BTBD9: variants seen among roughly 807,000 people sequenced by gnomAD.
BTBD9 encodes BTB domain containing 9, also known as BTB/POZ domain-containing protein 9.
In BTBD9, 49 loss-of-function variants were observed where a neutral mutation model predicts 64.3. That is an observed-to-expected ratio of 0.76 (90% CI 0.61 to 0.97). BTBD9 has a LOEUF of 0.97. Among genes scored for constraint, BTBD9 ranks in the 50% least tolerant of loss-of-function variants. BTBD9 has a pLI of 0.00. For synonymous variants in BTBD9, 260 were observed against 274.7 expected (o/e 0.95, Z 0.53); for missense variants, 598 against 762.1 (o/e 0.78, Z 2.53).
intron 9 of BTBD9, among the ~76,000 whole-genome samples, chr6:38,195,139 A>C (rs565014387): frequency 2.2e-4 from 34 of 152,300 alleles, no homozygotes; most frequent in African/African-American, 7.9e-4. Context: ...GAACTTTTTC[A>C]GAATAACTTG....
At chr6:38,582,100 T>G (rs1776313214) in intron 4 of BTBD9, among the ~76,000 whole-genome samples, 1 of 151,920 alleles carries the variant, frequency 6.6e-6, no homozygotes, top group African/African-American at 2.4e-5. Context: ...GTAAAGAGAG[T>G]GGCACCAGAA....
intron 9 of BTBD9, among the ~76,000 whole-genome samples, chr6:38,210,387 T>C (rs1033260998): frequency 1.3e-5 from 2 of 152,184 alleles, no homozygotes; most frequent in African/African-American, 2.4e-5. Flanking sequence ...AAACAGACTC[T>C]GGGGCCAAGT....
chr6:38,442,661 CTTTTTTTTTTTTTTT>C (rs11313452), intron 6 of BTBD9, among the ~76,000 whole-genome samples: 2 of 57,538 alleles, frequency 3.5e-5, no homozygotes, highest in African/African-American at 1.4e-4. Context: ...CATTTGTACT[CTTTTTTTTTTTTTTT>C]TTTTTTTTTT....
chr6:38,474,229 T>C (rs1770779141), intron 6 of BTBD9, among the ~76,000 whole-genome samples: 1 of 152,148 alleles, frequency 6.6e-6, no homozygotes, highest in Admixed American at 6.5e-5. Flanking sequence ...GCAGTAGTTC[T>C]GGAAAGAGCT....
intron 7 of BTBD9, among the ~76,000 whole-genome samples, chr6:38,291,537 T>C (rs184831101): frequency 1.3e-5 from 2 of 152,328 alleles, no homozygotes; most frequent in East Asian, 3.9e-4. Flanking sequence ...CTATGTTGAA[T>C]AGGAGTGGTG....
rs542400586 is a variant in BTBD9 at position 38,256,030 on chromosome 6, G to T, written c.1562+379C>A. ...ACATGTATACCTATGTATCAAACCT[G>T]CATATTGTGCACATGTACCCTAGAA... On this transcript the variant is annotated intron_variant, in intron 9 of 10. Transcript: ENST00000481247. 1.0e-3 allele frequency among the ~76,000 whole-genome samples: 158 copies of T among 151,128 alleles called. 1 individual carries two copies. The highest frequency in any genetic ancestry group is 2.5e-3 in the Admixed American group (38 of 15,102).
At chr6:38,277,844 T>C (rs995871943) in intron 8 of BTBD9, among the ~76,000 whole-genome samples, 1 of 152,096 alleles carries the variant, frequency 6.6e-6, no homozygotes, top group Non-Finnish European at 1.5e-5. Flanking sequence ...ACAGAACACA[T>C]GAAATATGGA....
At chr6:38,487,767 C>T (rs1245313120) in intron 6 of BTBD9, among the ~76,000 whole-genome samples, 1 of 152,168 alleles carries the variant, frequency 6.6e-6, no homozygotes, top group East Asian at 1.9e-4. Flanking sequence ...CAATTTCTTG[C>T]TCCTTTAAGG....
intron 6 of BTBD9, among the ~76,000 whole-genome samples, chr6:38,362,919 C>T (rs1562079380): frequency 6.6e-6 from 1 of 152,192 alleles, no homozygotes; most frequent in East Asian, 1.9e-4. Flanking sequence ...GGCTTTCACT[C>T]ATGGGAATCT....
intron 9 of BTBD9, among the ~76,000 whole-genome samples, chr6:38,207,989 T>A (rs78896209): frequency 2.0e-5 from 3 of 152,208 alleles, no homozygotes; most frequent in South Asian, 4.2e-4. Context: ...TAATTTTTTT[T>A]AATTACAATT....
chr6:38,183,592 G>A (rs1761678289), intron 10 of BTBD9, among the ~76,000 whole-genome samples: 1 of 152,146 alleles, frequency 6.6e-6, no homozygotes, highest in African/African-American at 2.4e-5. Context: ...TCTTAGCCTG[G>A]CTCTTCTGAG....
chr6:38,304,014 T>C (rs1204099344), intron 7 of BTBD9, among the ~76,000 whole-genome samples: 1 of 150,190 alleles, frequency 6.7e-6, no homozygotes, highest in Non-Finnish European at 1.5e-5. Flanking sequence ...CTCGACATAA[T>C]TATTCATTAA....
rs140004048 is a variant in BTBD9 at position 38,474,419 on chromosome 6, C to T, written c.1154+103181G>A. 7.0e-3 allele frequency among the ~76,000 whole-genome samples: 1,066 copies of T among 152,040 alleles called. 7 individuals are homozygous for T. Among genetic ancestry groups the T allele is most frequent in the African/African-American group, 0.024 (1,005 of 41,458 alleles). On this transcript the variant is annotated intron_variant, in intron 6 of 10. Transcript: ENST00000481247. Reference sequence around the variant, plus strand: ...ATGCCTATAATCCCAGCTACTCAGGCGGCTGAGACAGGAGAATTGCTGGAA... The same window carrying T: ...ATGCCTATAATCCCAGCTACTCAGGTGGCTGAGACAGGAGAATTGCTGGAA...
intron 7 of BTBD9, among the ~76,000 whole-genome samples, chr6:38,298,028 T>C (rs1234117998): frequency 6.6e-6 from 1 of 151,728 alleles, no homozygotes; most frequent in African/African-American, 2.4e-5. Context: ...TTATATATTT[T>C]TTATTTTTAG....
chr6:38,213,777 C>T (rs1762914601), intron 9 of BTBD9, among the ~76,000 whole-genome samples: 1 of 151,922 alleles, frequency 6.6e-6, no homozygotes, highest in Non-Finnish European at 1.5e-5. Flanking sequence ...GTGAGGAGAT[C>T]GAGACCCTCC....
chr6:38,362,368 C>T (rs1174818251), intron 6 of BTBD9, among the ~76,000 whole-genome samples: 2 of 152,178 alleles, frequency 1.3e-5, no homozygotes, highest in Admixed American at 1.3e-4. Context: ...TTTTCCTTTT[C>T]AAAGTACCCA....
chr6:38,403,933 C>G (rs1457859360), intron 6 of BTBD9, among the ~76,000 whole-genome samples: 1 of 152,134 alleles, frequency 6.6e-6, no homozygotes, highest in African/African-American at 2.4e-5. Context: ...TGCTATAACA[C>G]AGATGAACCT....
At chr6:38,262,449 TA>T (rs1177737881) in intron 8 of BTBD9, among the ~76,000 whole-genome samples, 6 of 151,890 alleles carry the variant, frequency 4.0e-5, no homozygotes, top group Middle Eastern at 3.4e-3. Flanking sequence ...GCAGTTTCCC[TA>T]AAAGCAGTGA....
chr6:38,237,564 AAC>A lies in BTBD9; in HGVS notation c.1562+18843_1562+18844del, dbSNP rs1763819793. ...TAAAATCACATGATATCACAAAATC[AAC>A]AGTTTCTGGTCTTGCTTAAGCCATC... On this transcript the variant is annotated intron_variant, in intron 9 of 10. Coordinates refer to ENST00000481247, the MANE Select transcript of BTBD9 (RefSeq NM_001099272.2). Among the ~76,000 whole-genome samples the A allele has an allele frequency of 2.6e-5, 4 of 152,236 alleles. No homozygotes were observed. In the South Asian group the frequency reaches 8.3e-4, roughly 32 times the overall value.
Sources: allele counts gnomAD v4.1 joint callset (sites outside exome capture counted in the v4.1 genomes callset), GRCh38; gene constraint gnomAD v4.1.1; transcripts MANE v1.5; gene names NCBI Gene and HGNC (gene_info 2026-07-23, HGNC 2026-07-21).